Variants in CNOT3 observed in about 807,000 individuals in gnomAD.
CNOT3 encodes the protein CCR4-NOT transcription complex subunit 3.
In CNOT3, 2 loss-of-function variants were observed where a neutral mutation model predicts 89.4. The ratio of observed to expected loss-of-function variants is 0.02; its 90% CI spans 0.01 to 0.07. The LOEUF (loss-of-function observed/expected upper bound fraction) is 0.07, where lower values mean the gene tolerates loss of function less well. Among genes scored for constraint, CNOT3 ranks in the 10% least tolerant of loss-of-function variants. CNOT3 has a pLI of 1.00. For synonymous variants in CNOT3, 486 were observed against 402.0 expected (o/e 1.21, Z -2.50); for missense variants, 664 against 1,010.2 (o/e 0.66, Z 4.65).
intron 10 of CNOT3, among the ~76,000 whole-genome samples, chr19:54,147,034 T>C (rs1193161482): frequency 6.6e-6 from 1 of 152,108 alleles, no homozygotes; most frequent in East Asian, 1.9e-4. Flanking sequence ...GGGGCCCAAC[T>C]GTGAGCACAG....
chr19:54,152,739 A>C, intron 15 of CNOT3, 113 bp downstream of exon 15: 1 of 1,002,460 alleles, frequency 1.0e-6, no homozygotes, highest in Non-Finnish European at 1.6e-6. Context: ...TGGGCTCTCC[A>C]CTGAAGGTCA....
chr19:54,143,329 T>C, intron 3 of CNOT3, 113 bp from the exon 4 acceptor site: 1 of 744,528 alleles, frequency 1.3e-6, no homozygotes. Context: ...TAAGATGGAT[T>C]GGGGGTAGGG....
Position 54,152,857 on chromosome 19 carries a change from GCT to G in CNOT3, c.1905-6_1905-5del. ...GGCAGCTGGCACTGACCTTCCTGTT[GCT>G]CTCACAGGCAGTACCTCCCCCGGAA... is the stretch of plus-strand genomic sequence containing the variant. On this transcript the variant is annotated splice_region_variant and splice_polypyrimidine_tract_variant and intron_variant, in intron 15 of 17. Coordinates refer to ENST00000221232, the MANE Select transcript of CNOT3 (RefSeq NM_014516.4). 7.4e-7 allele frequency: 1 copy of G among 1,348,066 alleles called. No individual in the cohort carries two copies. The highest frequency in any genetic ancestry group is 1.0e-6 in the Non-Finnish European group (1 of 963,256). 83.5% of individuals were successfully genotyped at this position (1,348,066 alleles called of 1,614,324 possible). A position where few individuals can be genotyped will look rare whatever the true frequency, so the allele number is the denominator to read the frequency against.
chr19:54,142,509 T>C, intron 1 of CNOT3: 1 of 250,500 alleles, frequency 4.0e-6, no homozygotes. Flanking sequence ...AGGGATGACC[T>C]CTCCTAGCCA....
In CNOT3 at chr19:54,146,480, C is replaced by T; in HGVS notation, c.838-121C>T. ...GGCAGATTAAGGACAGCCATTTGACCAGCTCTGGGGCCGCAATGGCAGTCA... is the reference window on the plus strand; with the variant it reads ...GGCAGATTAAGGACAGCCATTTGACTAGCTCTGGGGCCGCAATGGCAGTCA... On this transcript the variant is annotated intron_variant, in intron 9 of 17. Transcript: ENST00000221232. 6.9e-6 allele frequency: 5 copies of T among 720,698 alleles called. No homozygotes were observed. The East Asian group carries it at 1.2e-4, about 18-fold the overall frequency. 44.6% of individuals were successfully genotyped at this position (720,698 alleles called of 1,614,324 possible).
chr19:54,144,845 A>G lies in CNOT3; in HGVS notation c.483+513A>G, dbSNP rs2074594320. Among the ~76,000 whole-genome samples, 1 of 152,098 alleles carries G rather than the reference A, an allele frequency of 6.6e-6. No individual in the cohort carries two copies. The highest frequency in any genetic ancestry group is 2.4e-5 in the African/African-American group (1 of 41,400). On this transcript the variant is annotated intron_variant, in intron 7 of 17. Coordinates refer to ENST00000221232, the MANE Select transcript of CNOT3 (RefSeq NM_014516.4). This position sits in a 1 kb window ranked among gnomAD's most constrained non-coding sequence, Gnocchi z 4.8. ...GATTGTGGGGTATGAGTTCAAAGGG[A>G]TACAAACTGTACAGACTTGCTGAAA...
At chr19:54,142,297 G>A (rs1479082210) in intron 1 of CNOT3, 2 of 153,512 alleles carry the variant, frequency 1.3e-5, no homozygotes, top group Non-Finnish European at 2.9e-5. Context: ...TGGAATAAAT[G>A]TCTTGGTGGT....
chr19:54,146,114 A>G (rs2074658903), intron 9 of CNOT3, 71 bp downstream of exon 9: 3 of 1,566,968 alleles, frequency 1.9e-6, no homozygotes, highest in Non-Finnish European at 1.7e-6. Flanking sequence ...AATCTGGGTC[A>G]CTCCAAAGTG....
rs587649000 is a variant in CNOT3, at chr19:54,146,072, G to A, written c.837+29G>A. 3.0e-5 allele frequency: 48 copies of A among 1,608,370 alleles called. 1 individual carries two copies. The South Asian group carries it at 5.1e-4, about 17-fold the overall frequency. On this transcript the variant is annotated intron_variant, in intron 9 of 17. Coordinates refer to ENST00000221232, the MANE Select transcript of CNOT3 (RefSeq NM_014516.4). ...AGGCCCCACGGGACACTAGTACCTT[G>A]TGTTTCCAGCAGGGCAGGACTCGAG...
At chr19:54,153,020 C>T in intron 16 of CNOT3, 21 bp downstream of exon 16, 3 of 1,591,486 alleles carry the variant, frequency 1.9e-6, no homozygotes, top group Non-Finnish European at 1.7e-6. Flanking sequence ...GCCCCCGGGG[C>T]AGCCTCGGGC....
intron 13 of CNOT3, among the ~76,000 whole-genome samples, chr19:54,151,874 G>A (rs1045577759): frequency 1.3e-5 from 2 of 152,200 alleles, no homozygotes; most frequent in African/African-American, 2.4e-5. Context: ...GTGAAGGAGC[G>A]TGTACTATTG....
intron 16 of CNOT3, chr19:54,153,303 C>G (rs767864292): frequency 1.3e-6 from 1 of 761,996 alleles, no homozygotes; most frequent in Non-Finnish European, 2.4e-6. Flanking sequence ...TCCAGCAGCC[C>G]CAGTCTAGGC....
intron 16 of CNOT3, chr19:54,153,289 C>T: frequency 1.3e-6 from 1 of 762,298 alleles, no homozygotes; most frequent in Non-Finnish European, 2.4e-6. Context: ...CTCCCCAGCC[C>T]TGCTCCAGCA....
In CNOT3 at chr19:54,155,517, C is replaced by A; in HGVS notation, c.*110C>A. 1.1e-6 allele frequency: 1 copy of A among 931,116 alleles called. No individual in the cohort carries two copies. Among genetic ancestry groups the A allele is most frequent in the Non-Finnish European group, 1.6e-6 (1 of 626,290 alleles). 57.7% of individuals were successfully genotyped at this position (931,116 alleles called of 1,614,324 possible). On this transcript the variant is annotated 3_prime_UTR_variant, in exon 18 of 18. Coordinates refer to ENST00000221232, the MANE Select transcript of CNOT3 (RefSeq NM_014516.4). The stretch of plus-strand genomic sequence containing the variant: ...GGAGGCCCCAAGCCACGGGGCATCC[C>A]CCTCTCCCAGGAAGCAGGGAGGGGG...
chr19:54,154,988 A>T, intron 17 of CNOT3: 1 of 419,170 alleles, frequency 2.4e-6, no homozygotes, highest in Non-Finnish European at 4.3e-6. Flanking sequence ...TCCTGTACTC[A>T]CGTGAGAGGT....
intron 16 of CNOT3, 99 bp downstream of exon 16, chr19:54,153,098 C>A: frequency 2.4e-6 from 3 of 1,264,150 alleles, no homozygotes; most frequent in Non-Finnish European, 3.4e-6. Context: ...TGCCCCACTG[C>A]GGCCACTGGG....
chr19:54,148,805 C>CCTCTCTGTTACCT lies in CNOT3; in HGVS notation c.1406+62_1406+63insCTCTCTGTTACCT. On this transcript the variant is annotated intron_variant, in intron 12 of 17. Coordinates refer to ENST00000221232, the MANE Select transcript of CNOT3 (RefSeq NM_014516.4). The surrounding 1 kb of genome is among the most constrained non-coding windows in gnomAD (Gnocchi z 6.3). ...GCCTTTTGAAACAGAGAGGCGCAGG[C>CCTCTCTGTTACCT]GCCTCACCCCCGCATCGGTGGGTTC... 2 of 1,552,044 alleles carry CCTCTCTGTTACCT rather than the reference C, an allele frequency of 1.3e-6. No homozygotes were observed. The highest frequency in any genetic ancestry group is 8.7e-7 in the Non-Finnish European group (1 of 1,144,700).
At chr19:54,149,857 G>T in intron 13 of CNOT3, 99 bp downstream of exon 13, 2 of 1,175,232 alleles carry the variant, frequency 1.7e-6, no homozygotes, top group Non-Finnish European at 2.2e-6. Flanking sequence ...CCTCTTTCTG[G>T]ATCTCTCTCT....
intron 1 of CNOT3, chr19:54,141,478 C>T (rs1345813439): frequency 2.0e-5 from 3 of 152,222 alleles, no homozygotes; most frequent in Non-Finnish European, 2.9e-5. Flanking sequence ...ATGGTTGCTG[C>T]TAGTCACATG....
Sources: gnomAD v4.1 joint callset for allele counts (sites outside exome capture counted in the v4.1 genomes callset) on GRCh38, gnomAD v4.1.1 for gene constraint, Gnocchi (gnomAD v3.1) non-coding constraint, MANE v1.5 for transcripts, NCBI Gene and HGNC (gene_info 2026-07-23, HGNC 2026-07-21) for gene names.